MALRD1: variants seen among roughly 807,000 people sequenced by gnomAD.
MALRD1 encodes MAM and LDL-receptor class A domain-containing protein 1.
MALRD1 carries 247 observed loss-of-function variants against 242.1 expected under a neutral mutation model. That is an observed-to-expected ratio of 1.02 (90% confidence interval 0.92 to 1.13). MALRD1 has a LOEUF of 1.13. Ranked by LOEUF, MALRD1 falls within the 50% of genes most tolerant of loss-of-function variation. The pLI is 0.00. For synonymous variants in MALRD1, 995 were observed against 866.6 expected (o/e 1.15, Z -2.60); for missense variants, 2,989 against 2,533.1 (o/e 1.18, Z -3.86).
At chr10:19,431,319 T>C (rs1834118730) in intron 28 of MALRD1, among the ~76,000 whole-genome samples, 1 of 151,910 alleles carries the variant, frequency 6.6e-6, no homozygotes, top group African/African-American at 2.4e-5. Flanking sequence ...TTCTTTTTTT[T>C]CAGTATATCT....
rs143492190 is a variant in MALRD1 at position 19,122,398 on chromosome 10, G to A, written c.695-1094G>A. On this transcript the variant is annotated intron_variant, in intron 5 of 39. Transcript: ENST00000454679. ...GTGGCAAAGGTTGTTTTTCATCAAAGTTCTCCTTCAAAGTCATCAATAAGA... is the reference window on the plus strand; with the variant it reads ...GTGGCAAAGGTTGTTTTTCATCAAAATTCTCCTTCAAAGTCATCAATAAGA... Among the ~76,000 whole-genome samples the A allele has an allele frequency of 3.3e-4, 50 of 152,212 alleles. No individual in the cohort carries two copies. In the East Asian group the frequency reaches 6.0e-3, roughly 18 times the overall value.
chr10:19,719,080 G>A (rs189836920), intron 38 of MALRD1, among the ~76,000 whole-genome samples: 1 of 149,738 alleles, frequency 6.7e-6, no homozygotes, highest in African/African-American at 2.5e-5. Context: ...GGAGGATTGC[G>A]TGAGTCCAGG....
At chr10:19,593,569 T>G (rs1036203913) in intron 33 of MALRD1, among the ~76,000 whole-genome samples, 49 of 152,182 alleles carry the variant, frequency 3.2e-4, no homozygotes, top group African/African-American at 1.2e-3. Flanking sequence ...TATTTTCCCT[T>G]AATATATTGA....
At chr10:19,640,061 G>A (rs1438809922) in intron 36 of MALRD1, among the ~76,000 whole-genome samples, 1 of 152,036 alleles carries the variant, frequency 6.6e-6, no homozygotes, top group Admixed American at 6.6e-5. Flanking sequence ...CCACCATGGG[G>A]GAAGGGATGC....
chr10:19,546,839 A>C (rs989756335), intron 32 of MALRD1, among the ~76,000 whole-genome samples: 3 of 152,168 alleles, frequency 2.0e-5, no homozygotes, highest in African/African-American at 7.2e-5. Context: ...CTGTCTTTCC[A>C]GTGGAACATT....
At chr10:19,315,585 T>TATTTATATATATTTATA (rs1187248291) in intron 21 of MALRD1, among the ~76,000 whole-genome samples, 3 of 58,252 alleles carry the variant, frequency 5.2e-5, no homozygotes, top group African/African-American at 3.3e-4. Flanking sequence ...AAATTATAAA[T>TATTTATATATATTTATA]TATAAATATT....
chr10:19,440,833 A>G (rs367854146), intron 28 of MALRD1, among the ~76,000 whole-genome samples: 39 of 152,264 alleles, frequency 2.6e-4, no homozygotes, highest in African/African-American at 8.9e-4. Context: ...TAGCAGCATG[A>G]TTTATAATTC....
chr10:19,222,318 C>T (rs187476794), intron 18 of MALRD1, among the ~76,000 whole-genome samples: 1 of 152,080 alleles, frequency 6.6e-6, no homozygotes, highest in Admixed American at 6.6e-5. Flanking sequence ...GTGTCTGGGG[C>T]GGCCACCTCT....
At chr10:19,350,773 A>G (rs1271322896) in intron 25 of MALRD1, among the ~76,000 whole-genome samples, 1 of 152,216 alleles carries the variant, frequency 6.6e-6, no homozygotes, top group Non-Finnish European at 1.5e-5. Context: ...TTGCACAAAT[A>G]AGACAAACAA....
At chr10:19,087,177 A>T (rs1407339924) in intron 2 of MALRD1, among the ~76,000 whole-genome samples, 1 of 152,004 alleles carries the variant, frequency 6.6e-6, no homozygotes. Flanking sequence ...GTCCAAGATG[A>T]TGGTGCTCCT....
At chr10:19,577,789 T>C (rs1836903896) in intron 33 of MALRD1, among the ~76,000 whole-genome samples, 1 of 152,072 alleles carries the variant, frequency 6.6e-6, no homozygotes, top group Admixed American at 6.6e-5. Flanking sequence ...CATGGTAACT[T>C]AGTCATTTCA....
At chr10:19,073,569 T>C (rs564021309) in intron 2 of MALRD1, among the ~76,000 whole-genome samples, 56 of 152,276 alleles carry the variant, frequency 3.7e-4, no homozygotes, top group African/African-American at 1.3e-3. Flanking sequence ...CACAAAATTA[T>C]TTTAAAACCT....
chr10:19,687,958 GTTATGTTATGTTATGTTATGTT>G (rs1239861518), intron 36 of MALRD1, among the ~76,000 whole-genome samples: 3 of 146,486 alleles, frequency 2.0e-5, no homozygotes, highest in Non-Finnish European at 4.6e-5. Context: ...GTTATGTTAT[GTTATGTTATGTTATGTTATGTT>G]ATTTTTGGAG....
At chr10:19,691,796 A>C (rs1225507132) in intron 36 of MALRD1, among the ~76,000 whole-genome samples, 1 of 152,112 alleles carries the variant, frequency 6.6e-6, no homozygotes, top group Admixed American at 6.6e-5. Flanking sequence ...CTGTTTCCAA[A>C]TCTAAACACT....
intron 31 of MALRD1, among the ~76,000 whole-genome samples, chr10:19,512,355 G>A (rs1272889087): frequency 2.0e-5 from 3 of 152,190 alleles, no homozygotes; most frequent in Non-Finnish European, 4.4e-5. Context: ...CATAATTGGT[G>A]CTTTCCAGGG....
At chr10:19,240,142 A>G (rs1043259291) in intron 18 of MALRD1, among the ~76,000 whole-genome samples, 2 of 151,878 alleles carry the variant, frequency 1.3e-5, no homozygotes, top group African/African-American at 2.4e-5. Flanking sequence ...TATAATGTCC[A>G]TTTTTTGTGT....
chr10:19,560,696 G>A (rs944159266), intron 32 of MALRD1, among the ~76,000 whole-genome samples: 21 of 152,092 alleles, frequency 1.4e-4, no homozygotes, highest in African/African-American at 5.1e-4. Flanking sequence ...ATCATTCTCA[G>A]CAAACTAACA....
chr10:19,056,989 AG>A (rs1465433956), intron 1 of MALRD1, among the ~76,000 whole-genome samples: 8 of 151,956 alleles, frequency 5.3e-5, no homozygotes, highest in Non-Finnish European at 4.4e-5. Flanking sequence ...GATTTGCATA[AG>A]TTGAACCATA....
At chr10:19,188,672 A>G (rs765441657) in intron 14 of MALRD1, among the ~76,000 whole-genome samples, 27 of 152,218 alleles carry the variant, frequency 1.8e-4, no homozygotes, top group Non-Finnish European at 3.7e-4. Flanking sequence ...GTTCAACGGA[A>G]GATCACTACA....
Sources: allele counts gnomAD v4.1 joint callset (sites outside exome capture counted in the v4.1 genomes callset), GRCh38; gene constraint gnomAD v4.1.1; transcripts MANE v1.5; gene names NCBI Gene and HGNC (gene_info 2026-07-23, HGNC 2026-07-21).